LRRK2: variants seen among roughly 807,000 people sequenced by gnomAD.
LRRK2 encodes leucine rich repeat kinase 2.
In LRRK2, 203 loss-of-function variants were observed where a neutral mutation model predicts 302.6. The ratio of observed to expected loss-of-function variants is 0.67; its 90% confidence interval spans 0.60 to 0.75. The LOEUF is 0.75. Among genes scored for constraint, LRRK2 ranks in the 30% least tolerant of loss-of-function variants. The probability of loss-of-function intolerance (pLI) is 0.00; values close to 1 mark genes in which losing one functional copy is unlikely to be tolerated. For missense variants in LRRK2, 2,830 were observed against 2,951.0 expected, an observed-to-expected ratio of 0.96 and a Z score of 0.95; for synonymous variants, 1,066 against 1,031.9, an observed-to-expected ratio of 1.03 and a Z score of -0.63.
intron 14 of LRRK2, among the ~76,000 whole-genome samples, chr12:40,272,110 AT>A (rs1385840991): frequency 6.6e-6 from 1 of 152,192 alleles, no homozygotes; most frequent in Non-Finnish European, 1.5e-5. Context: ...TTGTTTGAAA[AT>A]TATTAACGAT....
intron 47 of LRRK2, among the ~76,000 whole-genome samples, chr12:40,360,555 A>C (rs1373954848): frequency 4.0e-5 from 6 of 151,808 alleles, no homozygotes; most frequent in Admixed American, 3.9e-4. Context: ...CTCTGATTAT[A>C]CTCTCTTCAA....
rs375146075 is a variant in LRRK2, at chr12:40,295,574, A to C, written c.3026A>C (p.His1009Pro). The C allele has an allele frequency of 2.7e-5, 43 of 1,613,974 alleles. No homozygotes were observed. Among genetic ancestry groups the C allele is most frequent in the Non-Finnish European group, 2.9e-5 (34 of 1,179,998 alleles). Residue 1009 changes from histidine (H) to proline (P), a missense_variant, in exon 23 of 51, where the codon CAT becomes CCT. Transcript: ENST00000298910. ...ALSQKCCISV[H>P]LEHLEKLELH... ...AGCCAGAAATGCTGTATAAGTGTTC[A>C]TTTGGAGCATCTTGAAAAGCTGGAG...
At chr12:40,363,958 G>A (rs1198967683) in intron 48 of LRRK2, among the ~76,000 whole-genome samples, 1 of 151,882 alleles carries the variant, frequency 6.6e-6, no homozygotes, top group African/African-American at 2.4e-5. Context: ...AATATGGGGG[G>A]AAATGCAATG....
At chr12:40,287,665 G>T (rs1592227156) in intron 20 of LRRK2, 126 bp downstream of exon 20, 7 of 918,676 alleles carry the variant, frequency 7.6e-6, no homozygotes, top group Admixed American at 2.3e-5. Context: ...GTTTATTATC[G>T]CAAACAGTTA....
At position 40,264,047 on chromosome 12, in the gene LRRK2, G is replaced by A. The variant is rs1159688736; in HGVS notation, c.1656+146G>A. 6 of 628,538 alleles carry A rather than the reference G, an allele frequency of 9.5e-6. No individual in the cohort carries two copies. In the East Asian group the frequency reaches 1.7e-4, roughly 17 times the overall value. The allele number at this position is 628,538 out of a possible 1,614,324, so 38.9% of individuals were successfully genotyped here. ...ATGTGGTTAGAGACATAAGATGACA[G>A]TGGGGATGTGGGAAGTGAAAAGATA... On this transcript the variant is annotated intron_variant, in intron 14 of 50. Transcript: ENST00000298910.
At chr12:40,272,584 T>C (rs1348619503) in intron 14 of LRRK2, among the ~76,000 whole-genome samples, 1 of 152,146 alleles carries the variant, frequency 6.6e-6, no homozygotes, top group African/African-American at 2.4e-5. Context: ...TTATTATGAC[T>C]TGAAGTCATA....
At chr12:40,234,403 A>G (rs140653475) in intron 3 of LRRK2, among the ~76,000 whole-genome samples, 44 of 100,238 alleles carry the variant, frequency 4.4e-4, no homozygotes, top group African/African-American at 1.7e-3. Flanking sequence ...TTTTTTAGAC[A>G]GAGTCTTTCT....
At chr12:40,246,314 C>G (rs143071445) in intron 7 of LRRK2, among the ~76,000 whole-genome samples, 1 of 151,882 alleles carries the variant, frequency 6.6e-6, no homozygotes, top group African/African-American at 2.4e-5. Flanking sequence ...TTTTCTAATA[C>G]TAAGCTACTG....
At chr12:40,280,711 G>A (rs1403516062) in intron 18 of LRRK2, among the ~76,000 whole-genome samples, 3 of 151,910 alleles carry the variant, frequency 2.0e-5, no homozygotes, top group Admixed American at 2.0e-4. Flanking sequence ...AGGAGGTCAA[G>A]GCTGCAGGAG....
chr12:40,345,622 CAAAAAAA>C (rs144415226), intron 41 of LRRK2, among the ~76,000 whole-genome samples: 2 of 67,528 alleles, frequency 3.0e-5, no homozygotes, highest in African/African-American at 1.3e-4. Flanking sequence ...GACTCCATCT[CAAAAAAA>C]AAAAAAAAAA....
chr12:40,326,397 C>G (rs543103230), intron 38 of LRRK2, among the ~76,000 whole-genome samples: 1 of 146,826 alleles, frequency 6.8e-6, no homozygotes, highest in Non-Finnish European at 1.5e-5. Flanking sequence ...ACCTGGGAGG[C>G]GGAGCTTGCA....
intron 6 of LRRK2, among the ~76,000 whole-genome samples, chr12:40,243,038 T>C (rs992570260): frequency 6.6e-6 from 1 of 151,418 alleles, no homozygotes; most frequent in African/African-American, 2.4e-5. Context: ...ACAAGAAAAC[T>C]GACCAACAAG....
chr12:40,236,004 AACATT>A (rs1941450280), intron 4 of LRRK2, among the ~76,000 whole-genome samples: 1 of 152,048 alleles, frequency 6.6e-6, no homozygotes, highest in Admixed American at 6.6e-5. Context: ...ATTGGTTTTA[AACATT>A]ACCTTATATA....
At chr12:40,340,223 A>T in intron 40 of LRRK2, 71 bp from the exon 41 acceptor site, 1 of 1,509,636 alleles carries the variant, frequency 6.6e-7, no homozygotes, top group Non-Finnish European at 9.1e-7. Context: ...ATTTATATTT[A>T]AGGAAATTAG....
At chr12:40,353,632 C>T (rs12368227) in intron 44 of LRRK2, among the ~76,000 whole-genome samples, 46,040 of 151,952 alleles carry the variant, frequency 0.3, 7,172 homozygotes, top group South Asian at 0.37. Context: ...CCAAGGCAGG[C>T]GGCTGGGAGG....
intron 1 of LRRK2, 112 bp from the exon 2 acceptor site, chr12:40,225,443 A>T (rs919010917): frequency 3.9e-6 from 5 of 1,270,388 alleles, no homozygotes; most frequent in Admixed American, 3.8e-5. Context: ...GCAGCTGAGA[A>T]TTTCAGGAAG....
intron 33 of LRRK2, 24 bp downstream of exon 33, chr12:40,315,324 C>G (rs1192861674): frequency 6.4e-7 from 1 of 1,571,398 alleles, no homozygotes; most frequent in Non-Finnish European, 8.8e-7. Context: ...ATTTTTGTGG[C>G]ACGGGGGTTA....
intron 41 of LRRK2, among the ~76,000 whole-genome samples, chr12:40,346,460 A>G (rs1946193122): frequency 6.6e-6 from 1 of 152,172 alleles, no homozygotes; most frequent in Non-Finnish European, 1.5e-5. Flanking sequence ...ATAACTTACC[A>G]TTGAATGTTT....
chr12:40,258,848 T>C (rs1413032111), intron 12 of LRRK2, among the ~76,000 whole-genome samples: 1 of 152,170 alleles, frequency 6.6e-6, no homozygotes, highest in Non-Finnish European at 1.5e-5. Context: ...GGTTCTGATA[T>C]GCACAAGTTT....
Sources: allele counts gnomAD v4.1 joint callset (sites outside exome capture counted in the v4.1 genomes callset), GRCh38; gene constraint gnomAD v4.1.1; transcripts MANE v1.5; gene names NCBI Gene and HGNC (gene_info 2026-07-23, HGNC 2026-07-21).